Variants in SDK1 observed in about 807,000 individuals in gnomAD.
SDK1 encodes the protein protein sidekick-1.
Under a neutral mutation model 245.5 loss-of-function variants are expected in SDK1, and 157 were observed. The observed-to-expected ratio is 0.64, with a 90% CI of 0.56 to 0.73. The LOEUF (loss-of-function observed/expected upper bound fraction) is 0.73, where lower values mean the gene tolerates loss of function less well. Ranked by LOEUF, SDK1 falls within the 30% of genes least tolerant of loss-of-function variation. The pLI is 0.00. For synonymous variants in SDK1, 1,647 were observed against 1,278.5 expected, an observed-to-expected ratio of 1.29 and a Z score of -6.15; for missense variants, 3,583 against 3,002.3, an observed-to-expected ratio of 1.19 and a Z score of -4.52.
intron 1 of SDK1, among the ~76,000 whole-genome samples, chr7:3,354,367 A>T (rs937426334): frequency 6.6e-6 from 1 of 152,216 alleles, no homozygotes; most frequent in Admixed American, 6.5e-5. Flanking sequence ...TTAGAAACCA[A>T]TGTGACTGTT....
intron 32 of SDK1, among the ~76,000 whole-genome samples, chr7:4,162,825 G>A (rs553472772): frequency 2.4e-4 from 36 of 152,290 alleles, no homozygotes; most frequent in Middle Eastern, 3.4e-3. Context: ...ACACGCTGCC[G>A]TCTCTTTCCC....
At chr7:3,720,754 C>G (rs1387222760) in intron 4 of SDK1, among the ~76,000 whole-genome samples, 1 of 152,180 alleles carries the variant, frequency 6.6e-6, no homozygotes, top group African/African-American at 2.4e-5. Flanking sequence ...TTGGGCATAT[C>G]TCAGAGAATG....
At chr7:3,508,419 C>T (rs1458491348) in intron 1 of SDK1, among the ~76,000 whole-genome samples, 1 of 151,054 alleles carries the variant, frequency 6.6e-6, no homozygotes, top group Non-Finnish European at 1.5e-5. Context: ...CCTCTACCTC[C>T]TCGGTTCAAA....
At chr7:3,490,589 C>T (rs189956330) in intron 1 of SDK1, among the ~76,000 whole-genome samples, 352 of 152,298 alleles carry the variant, frequency 2.3e-3, no homozygotes, top group African/African-American at 8.3e-3. Context: ...CCGCCACTTC[C>T]ATTTAGCTTT....
chr7:3,335,711 A>C (rs1355061881), intron 1 of SDK1, among the ~76,000 whole-genome samples: 2 of 152,204 alleles, frequency 1.3e-5, no homozygotes, highest in Non-Finnish European at 2.9e-5. Context: ...AATTCACAGA[A>C]GCAAAAATGA....
chr7:3,498,098 AT>A lies in SDK1; in HGVS notation c.299-120979del, dbSNP rs1417253895. Among the ~76,000 whole-genome samples, 3 of 152,238 alleles carry A rather than the reference AT, an allele frequency of 2.0e-5. No individual in the cohort carries two copies. In the East Asian group the frequency reaches 5.8e-4, roughly 29 times the overall value. ...CTAAGGCTAAATTGGTCTACATTTA[AT>A]TTGAAGTTTCAAAACTTTATTCTTA... On this transcript the variant is annotated intron_variant, in intron 1 of 44. Coordinates refer to ENST00000404826, the MANE Select transcript of SDK1 (RefSeq NM_152744.4).
intron 7 of SDK1, among the ~76,000 whole-genome samples, chr7:3,953,035 C>G (rs549378820): frequency 2.0e-4 from 30 of 152,128 alleles, no homozygotes; most frequent in African/African-American, 5.3e-4. Context: ...GAGGCCGCCT[C>G]TAGGAAGGAG....
intron 4 of SDK1, among the ~76,000 whole-genome samples, chr7:3,667,570 C>T (rs765290914): frequency 6.6e-5 from 10 of 152,158 alleles, no homozygotes; most frequent in South Asian, 2.1e-4. Context: ...GTTCTATCAC[C>T]GCCCAAATTC....
intron 17 of SDK1, among the ~76,000 whole-genome samples, chr7:4,028,919 G>C (rs1400180474): frequency 6.6e-6 from 1 of 152,194 alleles, no homozygotes; most frequent in African/African-American, 2.4e-5. Flanking sequence ...ATGGGGACAG[G>C]ACTCCAGGTT....
In SDK1 at chr7:3,951,808, C is replaced by G. The variant is rs908486598; in HGVS notation, c.1038C>G (p.Arg346=). Residue 346 remains arginine, a synonymous_variant, in exon 7 of 45, where the codon CGC becomes CGG. Transcript: ENST00000404826. ...ITSGLHSFGR[R]LTISNPTSAD... is the part of the protein sequence containing the mutation. ...GTGGCCTCCACAGCTTTGGAAGACGCCTCACCATCAGCAACCCGACGTCCG... is the reference window on the plus strand; with the variant it reads ...GTGGCCTCCACAGCTTTGGAAGACGGCTCACCATCAGCAACCCGACGTCCG... 3 of 1,613,782 alleles carry G rather than the reference C, an allele frequency of 1.9e-6. No homozygotes were observed. The highest frequency in any genetic ancestry group is 2.7e-5 in the African/African-American group (2 of 74,918).
At chr7:3,454,796 T>G (rs1432195769) in intron 1 of SDK1, among the ~76,000 whole-genome samples, 2 of 152,180 alleles carry the variant, frequency 1.3e-5, no homozygotes, top group African/African-American at 4.8e-5. Flanking sequence ...TGTGAAAATT[T>G]CCATGCAGGT....
intron 1 of SDK1, among the ~76,000 whole-genome samples, chr7:3,601,157 T>C (rs115051592): frequency 3.3e-5 from 5 of 152,202 alleles, no homozygotes; most frequent in Admixed American, 6.5e-5. Context: ...GGTCTAAGTT[T>C]ATGAGAGATA....
Position 4,090,413 on chromosome 7 carries a change from C to G in SDK1, c.3324+10829C>G, listed in dbSNP as rs1408011214. ...CTATTCCTGAAAGCAAAAGCTTTCT[C>G]CTCATTTATTTTTCCATTAATTATC... On this transcript the variant is annotated intron_variant, in intron 22 of 44. Transcript: ENST00000404826. Among the ~76,000 whole-genome samples the G allele has an allele frequency of 2.6e-5, 4 of 152,094 alleles. No homozygotes were observed. The East Asian group carries it at 7.7e-4, about 29-fold the overall frequency.
At chr7:3,890,983 T>TG (rs1308184803) in intron 5 of SDK1, among the ~76,000 whole-genome samples, 2 of 152,206 alleles carry the variant, frequency 1.3e-5, no homozygotes, top group African/African-American at 4.8e-5. Flanking sequence ...GTGGCTTCAC[T>TG]GGGCCCAACC....
chr7:3,591,224 A>C (rs1780863275), intron 1 of SDK1, among the ~76,000 whole-genome samples: 1 of 152,172 alleles, frequency 6.6e-6, no homozygotes. Flanking sequence ...GTCAGATGGC[A>C]GTTAGTATAA....
At chr7:4,118,773 A>G (rs1233124154) in intron 25 of SDK1, among the ~76,000 whole-genome samples, 1 of 149,244 alleles carries the variant, frequency 6.7e-6, no homozygotes, top group Non-Finnish European at 1.5e-5. Flanking sequence ...GATACATGCT[A>G]CAGTGTGGGT....
At chr7:3,616,187 T>G (rs910139741) in intron 1 of SDK1, among the ~76,000 whole-genome samples, 1 of 152,212 alleles carries the variant, frequency 6.6e-6, no homozygotes, top group Non-Finnish European at 1.5e-5. Context: ...CAACTGGCTG[T>G]CCTTTTGTAG....
chr7:3,995,986 C>T (rs1006863467), intron 14 of SDK1, among the ~76,000 whole-genome samples: 1 of 152,092 alleles, frequency 6.6e-6, no homozygotes, highest in African/African-American at 2.4e-5. Context: ...TATTTCAACA[C>T]TCTCAAGCCT....
chr7:4,039,478 T>C (rs1275121565), intron 17 of SDK1, among the ~76,000 whole-genome samples: 1 of 152,200 alleles, frequency 6.6e-6, no homozygotes, highest in Non-Finnish European at 1.5e-5. Flanking sequence ...ATATTTTGAT[T>C]GCATACATCC....
Sources: allele counts gnomAD v4.1 joint callset (sites outside exome capture counted in the v4.1 genomes callset), GRCh38; gene constraint gnomAD v4.1.1; transcripts MANE v1.5; gene names NCBI Gene and HGNC (gene_info 2026-07-23, HGNC 2026-07-21).